Variants in LOC128462377 observed in about 807,000 individuals in gnomAD.
At chr16:89,324,607 C>G in the LOC128462377 span, 1 of 435,320 alleles carries the variant, frequency 2.3e-6, no homozygotes, top group Non-Finnish European at 4.6e-6. Flanking sequence ...GCCAGCACGG[C>G]AGATCTGCGG....
At chr16:89,417,494 A>C in the LOC128462377 span, among the ~76,000 whole-genome samples, 27 of 152,174 alleles carry the variant, frequency 1.8e-4, no homozygotes, top group Non-Finnish European at 2.9e-5. Context: ...CCAAGGCCAA[A>C]GTCTTTTTGG....
the LOC128462377 span, among the ~76,000 whole-genome samples, chr16:89,384,081 G>T: frequency 2.7e-3 from 412 of 152,314 alleles, no homozygotes; most frequent in African/African-American, 9.0e-3. Context: ...TTAGCCGGGC[G>T]TGGTGGCAGG....
the LOC128462377 span, among the ~76,000 whole-genome samples, chr16:89,345,012 G>A: frequency 6.6e-6 from 1 of 152,186 alleles, no homozygotes; most frequent in Non-Finnish European, 1.5e-5. Context: ...GCGCAGATGA[G>A]GCAGGAGGAA....
the LOC128462377 span, among the ~76,000 whole-genome samples, chr16:89,325,432 T>A: frequency 7.4e-6 from 1 of 135,926 alleles, no homozygotes; most frequent in African/African-American, 2.9e-5. Context: ...AGCCAGACCC[T>A]CTCCCCTCTC....
At chr16:89,378,826 T>TA in the LOC128462377 span, among the ~76,000 whole-genome samples, 1 of 150,772 alleles carries the variant, frequency 6.6e-6, no homozygotes, top group African/African-American at 2.4e-5. Flanking sequence ...CGCTGTGGTT[T>TA]AAAACTCTTT....
At chr16:89,337,720 G>A in the LOC128462377 span, among the ~76,000 whole-genome samples, 3 of 152,114 alleles carry the variant, frequency 2.0e-5, no homozygotes, top group Admixed American at 6.5e-5. Context: ...GATTACAGGC[G>A]TAAGCCACTG....
chr16:89,406,317 C>A, the LOC128462377 span, among the ~76,000 whole-genome samples: 2 of 152,192 alleles, frequency 1.3e-5, no homozygotes, highest in Non-Finnish European at 2.9e-5. Context: ...AGCACAGACC[C>A]TCACTGCCAG....
the LOC128462377 span, among the ~76,000 whole-genome samples, chr16:89,363,497 T>A: frequency 2.6e-5 from 4 of 151,206 alleles, no homozygotes; most frequent in African/African-American, 9.7e-5. Flanking sequence ...AAAAAAAGAT[T>A]CAGTCTTGCA....
the LOC128462377 span, among the ~76,000 whole-genome samples, chr16:89,328,165 A>G: frequency 1.3e-5 from 2 of 152,160 alleles, no homozygotes; most frequent in African/African-American, 2.4e-5. Context: ...ATTACTGCAC[A>G]CCAATCGGAA....
chr16:89,400,061 G>A, the LOC128462377 span, among the ~76,000 whole-genome samples: 23 of 79,388 alleles, frequency 2.9e-4, 1 homozygote, highest in African/African-American at 1.1e-3. Flanking sequence ...GCTTCCCTGC[G>A]CTGGGGGCCG....
the LOC128462377 span, among the ~76,000 whole-genome samples, chr16:89,330,623 G>A: frequency 4.3e-5 from 6 of 137,976 alleles, no homozygotes; most frequent in East Asian, 2.4e-4. Context: ...GAGGGTCCTC[G>A]TGACACGGCA....
At chr16:89,355,295 A>G in the LOC128462377 span, among the ~76,000 whole-genome samples, 1 of 152,042 alleles carries the variant, frequency 6.6e-6, no homozygotes, top group Non-Finnish European at 1.5e-5. Context: ...TGAGGCTCGG[A>G]AGGCGGGCGG....
the LOC128462377 span, among the ~76,000 whole-genome samples, chr16:89,337,557 C>A: frequency 1.1e-4 from 16 of 150,170 alleles, no homozygotes. Flanking sequence ...CTGCCTCAAC[C>A]TCCCGAGTAG....
chr16:89,324,576 G>T, the LOC128462377 span: 3 of 453,840 alleles, frequency 6.6e-6, no homozygotes, highest in African/African-American at 2.0e-5. Context: ...CTCCATCTGG[G>T]GGGGCATGAT....
At chr16:89,393,585 G>A in the LOC128462377 span, among the ~76,000 whole-genome samples, 1 of 145,558 alleles carries the variant, frequency 6.9e-6, no homozygotes, top group Non-Finnish European at 1.5e-5. Context: ...AGAGTGATTT[G>A]CCCGCCTCAG....
chr16:89,410,380 G>C, the LOC128462377 span, among the ~76,000 whole-genome samples: 1 of 152,226 alleles, frequency 6.6e-6, no homozygotes, highest in African/African-American at 2.4e-5. Flanking sequence ...AAGGCTGACT[G>C]TACCAAGGAA....
the LOC128462377 span, chr16:89,324,197 AGC>A: frequency 1.7e-6 from 2 of 1,175,754 alleles, no homozygotes; most frequent in East Asian, 1.3e-4. Flanking sequence ...CAGCACCGAG[AGC>A]GCGTTCAGCA....
the LOC128462377 span, among the ~76,000 whole-genome samples, chr16:89,408,265 G>A: frequency 6.6e-6 from 1 of 152,244 alleles, no homozygotes; most frequent in Non-Finnish European, 1.5e-5. Flanking sequence ...CTCCACCCTA[G>A]AGAAGTGGCA....
chr16:89,415,264 T>C, the LOC128462377 span, among the ~76,000 whole-genome samples: 27 of 36,050 alleles, frequency 7.5e-4, no homozygotes, highest in African/African-American at 2.2e-3. Flanking sequence ...AGCTATTCTT[T>C]TTTTTTTTTT....
Sources: allele counts gnomAD v4.1 joint callset (sites outside exome capture counted in the v4.1 genomes callset), GRCh38; gene constraint gnomAD v4.1.1; transcripts MANE v1.5.